The following ATN1 variants were observed in gnomAD, a reference collection of about 807,000 sequenced individuals.
ATN1 encodes atrophin 1, also known as atrophin-1.
In ATN1, 19 loss-of-function variants were observed where a neutral mutation model predicts 85.8. The observed-to-expected ratio is 0.22, with a 90% confidence interval of 0.15 to 0.32. ATN1 has a LOEUF of 0.32. Ranked by LOEUF, ATN1 falls within the 10% of genes least tolerant of loss-of-function variation. The pLI is 1.00. For synonymous variants in ATN1, 674 were observed against 657.0 expected, an observed-to-expected ratio of 1.03 and a Z score of -0.39; for missense variants, 1,453 against 1,564.5, an observed-to-expected ratio of 0.93 and a Z score of 1.20.
At position 6,942,041 on chromosome 12, in the gene ATN1, C is replaced by T. The variant is rs1396862098; in HGVS notation, c.*261C>T. The T allele has an allele frequency of 3.7e-6, 2 of 541,930 alleles. No homozygotes were observed. Among genetic ancestry groups the T allele is most frequent in the Non-Finnish European group, 6.6e-6 (2 of 301,286 alleles). The allele number at this position is 541,930 out of a possible 1,614,324, so 33.6% of individuals were successfully genotyped here. ...GGACCAGGTCTCTCTTCCTTGTCCC[C>T]CCTGCTTTTCTCCTCCCCCATGCCC... On this transcript the variant is annotated 3_prime_UTR_variant, in exon 10 of 10. Transcript: ENST00000396684.
upstream of ATN1, among the ~76,000 whole-genome samples, chr12:6,926,232 G>A (rs1322198820): frequency 6.6e-6 from 1 of 152,124 alleles, no homozygotes; most frequent in Non-Finnish European, 1.5e-5. Context: ...GATACCCAGG[G>A]ATTTGGGTCC....
Position 6,941,237 on chromosome 12 carries a change from G to A in ATN1, c.3359-137G>A. 1 of 1,247,866 alleles carries A rather than the reference G, an allele frequency of 8.0e-7. No individual in the cohort carries two copies. Among genetic ancestry groups the A allele is most frequent in the Non-Finnish European group, 1.1e-6 (1 of 904,834 alleles). The allele number at this position is 1,247,866 out of a possible 1,614,324, so 77.3% of individuals were successfully genotyped here. ...CGAATCCCAATTCCACCCTACCACT[G>A]GCAACTTACAGAACTGGGTGTGTTA... On this transcript the variant is annotated intron_variant, in intron 8 of 9. Transcript: ENST00000396684. This position sits in a 1 kb window ranked among gnomAD's most constrained non-coding sequence, Gnocchi z 5.9.
At chr12:6,925,141 T>TGTGTGTGTGTGTGA (rs1445451270), upstream of ATN1, among the ~76,000 whole-genome samples, 63 of 147,652 alleles carry the variant, frequency 4.3e-4, no homozygotes, top group African/African-American at 1.2e-3. Flanking sequence ...TGTGTGTGTG[T>TGTGTGTGTGTGTGA]GAGAGAGAGA....
chr12:6,925,222 CAA>C (rs1945388662), upstream of ATN1, among the ~76,000 whole-genome samples: 1 of 151,716 alleles, frequency 6.6e-6, no homozygotes, highest in Admixed American at 6.6e-5. Context: ...AGAGGGTAGA[CAA>C]TGGTTTCTTT....
Position 6,937,989 on chromosome 12 carries a change from A to C in ATN1, c.2439A>C (p.Glu813Asp). ...GCGAGGCCGAGCAGCGCGCGCGCGAAGAAAAGGAGCGCGAGCGCGAGCGGG... is the reference window on the plus strand; with the variant it reads ...GCGAGGCCGAGCAGCGCGCGCGCGACGAAAAGGAGCGCGAGCGCGAGCGGG... ...VRREAEQRAR[E>D]EKERERERER... The change falls in exon 6 of 10, where the codon GAA (glutamate) becomes GAC (aspartate). Residue 813 changes from glutamate to aspartate, a missense_variant. By Grantham distance (45) the Glu-to-Asp change is conservative. This residue lies in a region of ATN1 where 990 missense variants were observed against 914.8 expected (regional missense o/e 1.08). Transcript: ENST00000396684. This position sits in a 1 kb window ranked among gnomAD's most constrained non-coding sequence, Gnocchi z 6.0. The C allele has an allele frequency of 6.5e-7, 1 of 1,549,682 alleles. No homozygotes were observed. The highest frequency in any genetic ancestry group is 8.7e-7 in the Non-Finnish European group (1 of 1,146,720).
In ATN1 at chr12:6,937,972, G is replaced by A. The variant is rs781991922; in HGVS notation, c.2422G>A (p.Glu808Lys). Reference protein sequence around the residue: ...DLVEKVRREAEQRAREEKERE... With the variant: ...DLVEKVRREAKQRAREEKERE... ...GGTGGAGAAGGTGCGGCGCGAGGCC[G>A]AGCAGCGCGCGCGCGAAGAAAAGGA... Residue 808 changes from glutamate (E) to lysine (K), a missense_variant, in exon 6 of 10, where the codon GAG (glutamate) becomes AAG (lysine). By Grantham distance (56) the Glu-to-Lys change is moderately conservative. This residue lies in a region of ATN1 where 990 missense variants were observed against 914.8 expected (regional missense o/e 1.08). Transcript: ENST00000396684. This position sits in a 1 kb window ranked among gnomAD's most constrained non-coding sequence, Gnocchi z 6.0. The A allele has an allele frequency of 1.3e-6, 2 of 1,557,050 alleles. No individual in the cohort carries two copies. The highest frequency in any genetic ancestry group is 2.4e-5 in the East Asian group (1 of 41,090).
rs782222553 is a variant in ATN1, at chr12:6,935,980, G to A, written c.713G>A (p.Gly238Glu). The A allele has an allele frequency of 5.0e-6, 8 of 1,589,212 alleles. No homozygotes were observed. The highest frequency in any genetic ancestry group is 2.3e-5 in the South Asian group (2 of 87,492). Residue 238 changes from glycine (G) to glutamate (E), a missense_variant, in exon 5 of 10, where the codon GGA becomes GAA. This residue lies in a region of ATN1 where 990 missense variants were observed against 914.8 expected (regional missense o/e 1.08). Coordinates refer to ENST00000396684, the MANE Select transcript of ATN1 (RefSeq NM_001940.4). This position sits in a 1 kb window ranked among gnomAD's most constrained non-coding sequence, Gnocchi z 5.3. ...GGACCCCCAATGGGTCCCAAGGGGG[G>A]AGGGGCTGCCTCATCAGTGGGGGGC... ...LSGPPMGPKG[G>E]GAASSVGGPN...
rs1300642331 is a variant in ATN1 at position 6,937,724 on chromosome 12, C to T, written c.2295-121C>T. On this transcript the variant is annotated intron_variant, in intron 5 of 9. Coordinates refer to ENST00000396684, the MANE Select transcript of ATN1 (RefSeq NM_001940.4). The surrounding 1 kb of genome is among the most constrained non-coding windows in gnomAD (Gnocchi z 6.0). ...TAGTGGCCAGTGAGGCCCGCAGCAGCTCACAGCCTGCAGGGGTGGTTTTGA... is the reference window on the plus strand; with the variant it reads ...TAGTGGCCAGTGAGGCCCGCAGCAGTTCACAGCCTGCAGGGGTGGTTTTGA... 12 of 1,449,104 alleles carry T rather than the reference C, an allele frequency of 8.3e-6. No individual in the cohort carries two copies. In the African/African-American group the frequency reaches 8.6e-5, roughly 10 times the overall value. The allele number at this position is 1,449,104 out of a possible 1,614,324, so 89.8% of individuals were successfully genotyped here. A position where few individuals can be genotyped will look rare whatever the true frequency, so the allele number is the denominator to read the frequency against.
Position 6,935,752 on chromosome 12 carries a change from C to G in ATN1, c.485C>G (p.Pro162Arg), listed in dbSNP as rs781827807. 22 of 1,613,910 alleles carry G rather than the reference C, an allele frequency of 1.4e-5. No homozygotes were observed. The East Asian group carries it at 4.7e-4, about 34-fold the overall frequency. Residue 162 changes from proline (P) to arginine (R), a missense_variant, in exon 5 of 10, where the codon CCT (proline) becomes CGT (arginine). By Grantham distance (103) the Pro-to-Arg change is moderately radical (BLOSUM62 -2). Around this residue, in one of 6 missense-constraint regions of ATN1, gnomAD observed 990 missense variants for 914.8 expected, o/e 1.08. Coordinates refer to ENST00000396684, the MANE Select transcript of ATN1 (RefSeq NM_001940.4). This position sits in a 1 kb window ranked among gnomAD's most constrained non-coding sequence, Gnocchi z 5.3. Reference sequence around the variant, plus strand: ...GGCCCAGCCCGCCCCTACCACCCACCTCCACTCTTTCCTCCTTCCCCTCAA... The same window carrying G: ...GGCCCAGCCCGCCCCTACCACCCACGTCCACTCTTTCCTCCTTCCCCTCAA... ...SQGPARPYHPPPLFPPSPQPP... is the reference protein window; with the variant it reads ...SQGPARPYHPRPLFPPSPQPP...
rs1555144033 is a variant in ATN1 at position 6,937,580 on chromosome 12, C to T, written c.2294+19C>T. The T allele has an allele frequency of 4.7e-6, 7 of 1,476,850 alleles. No homozygotes were observed. The highest frequency in any genetic ancestry group is 5.4e-6 in the Non-Finnish European group (6 of 1,114,962). The allele number at this position is 1,476,850 out of a possible 1,614,324, so 91.5% of individuals were successfully genotyped here. A position where few individuals can be genotyped will look rare whatever the true frequency, so the allele number is the denominator to read the frequency against. Reference sequence around the variant, plus strand: ...CTGCCAGGTGAGCGGCCAGGTGGGGCGGAGGTGGGCCTGGAAAGGGGACGA... The same window carrying T: ...CTGCCAGGTGAGCGGCCAGGTGGGGTGGAGGTGGGCCTGGAAAGGGGACGA... On this transcript the variant is annotated intron_variant, in intron 5 of 9. Transcript: ENST00000396684. The surrounding 1 kb of genome is among the most constrained non-coding windows in gnomAD (Gnocchi z 6.0).
In ATN1 at chr12:6,933,858, C is replaced by A; in HGVS notation, c.-144C>A. 2.2e-6 allele frequency: 2 copies of A among 895,878 alleles called. No individual in the cohort carries two copies. Among genetic ancestry groups the A allele is most frequent in the Non-Finnish European group, 1.7e-6 (1 of 574,700 alleles). The allele number at this position is 895,878 out of a possible 1,614,324, so 55.5% of individuals were successfully genotyped here. A position where few individuals can be genotyped will look rare whatever the true frequency, so the allele number is the denominator to read the frequency against. On this transcript the variant is annotated 5_prime_UTR_variant, in exon 2 of 10. Transcript: ENST00000396684. ...CTAACAGGTTTCATTGAAAACAGAT[C>A]CTGCAAAAGTTCCAGGTGCCCACAC...
chr12:6,938,052 G>T lies in ATN1; in HGVS notation c.2502G>T (p.Glu834Asp), dbSNP rs1555144148. Residue 834 changes from glutamate to aspartate, a missense_variant, in exon 6 of 10, where the codon GAG becomes GAT. Physicochemically the swap from Glu to Asp is conservative, Grantham distance 45. This residue lies in a region of ATN1 where 990 missense variants were observed against 914.8 expected (regional missense o/e 1.08). Transcript: ENST00000396684. Reference protein sequence around the residue: ...EKEREREKERELERSVKLAQE... With the variant: ...EKEREREKERDLERSVKLAQE... ...AGCGCGAGCGCGAGAAGGAGCGCGA[G>T]CTTGAACGCAGCGTGGTGAGTGCGT... The T allele has an allele frequency of 6.5e-7, 1 of 1,545,778 alleles. No individual in the cohort carries two copies. Among genetic ancestry groups the T allele is most frequent in the South Asian group, 1.2e-5 (1 of 83,886 alleles).
In ATN1 at chr12:6,937,166, A is replaced by C. The variant is rs782081303; in HGVS notation, c.1899A>C (p.Pro633=). ...SSPAGYKTAS[P]PGPPPYGKRA... is the part of the protein sequence containing the mutation. ...CAGCAGGCTACAAAACGGCCTCCCC[A>C]CCTGGGCCCCCACCGTACGGAAAGA... Residue 633 remains proline, a synonymous_variant, in exon 5 of 10, where the codon CCA becomes CCC. Coordinates refer to ENST00000396684, the MANE Select transcript of ATN1 (RefSeq NM_001940.4). The surrounding 1 kb of genome is among the most constrained non-coding windows in gnomAD (Gnocchi z 6.0). 1.4e-5 allele frequency: 22 copies of C among 1,610,278 alleles called. No homozygotes were observed. The East Asian group carries it at 4.9e-4, about 36-fold the overall frequency.
chr12:6,941,954 C>T lies in ATN1; in HGVS notation c.*174C>T. 3.0e-6 allele frequency: 2 copies of T among 668,276 alleles called. No homozygotes were observed. Among genetic ancestry groups the T allele is most frequent in the Middle Eastern group, 3.2e-4 (1 of 3,128 alleles). The allele number at this position is 668,276 out of a possible 1,614,324, so 41.4% of individuals were successfully genotyped here. ...GGAGGGACAGACAGAAGGCCAAGGCCCGATGTGGTGTGCAGAGGTGGGGAG... is the reference window on the plus strand; with the variant it reads ...GGAGGGACAGACAGAAGGCCAAGGCTCGATGTGGTGTGCAGAGGTGGGGAG... On this transcript the variant is annotated 3_prime_UTR_variant, in exon 10 of 10. Coordinates refer to ENST00000396684, the MANE Select transcript of ATN1 (RefSeq NM_001940.4). This position sits in a 1 kb window ranked among gnomAD's most constrained non-coding sequence, Gnocchi z 5.9.
At chr12:6,938,140 A>T in intron 6 of ATN1, 73 bp downstream of exon 6, 1 of 1,466,546 alleles carries the variant, frequency 6.8e-7, no homozygotes, top group Non-Finnish European at 9.0e-7. Context: ...GCGCTGCGCT[A>T]CGCTACGCTG....
In ATN1 at chr12:6,933,949, T is replaced by C. The variant is rs1223178532; in HGVS notation, c.-53T>C. ...GGAACTTGGGGTGGAGCAGAGAAGT[T>C]TCTGTATTCAGCTGCCCAGGCAGAG... On this transcript the variant is annotated 5_prime_UTR_variant, in exon 2 of 10. Transcript: ENST00000396684. 3.8e-6 allele frequency: 6 copies of C among 1,575,356 alleles called. No homozygotes were observed. In the Admixed American group the frequency reaches 5.7e-5, roughly 15 times the overall value.
At chr12:6,940,779 G>A (rs1945623246) in intron 7 of ATN1, 101 bp from the exon 8 acceptor site, 5 of 1,465,384 alleles carry the variant, frequency 3.4e-6, no homozygotes, top group East Asian at 2.3e-5. Context: ...ACCTCCTTGT[G>A]TTTGTCTGAC....
rs782618744 is a variant in ATN1 at position 6,931,689 on chromosome 12, T to C, written c.-162-2151T>C. 5.7e-5 allele frequency among the ~76,000 whole-genome samples: 7 copies of C among 123,866 alleles called. No homozygotes were observed. The South Asian group carries it at 1.7e-3, about 30-fold the overall frequency. The allele number at this position is 123,866 out of a possible 152,430, so 81.3% of individuals were successfully genotyped here. Reference sequence around the variant, plus strand: ...AGATCATGCCATAGCACCTCCAGCCTGGGGAACAAGAGCAAAGATCCATCT... The same window carrying C: ...AGATCATGCCATAGCACCTCCAGCCCGGGGAACAAGAGCAAAGATCCATCT... On this transcript the variant is annotated intron_variant, in intron 1 of 9. Transcript: ENST00000396684.
chr12:6,928,657 G>T (rs1463990990), intron 1 of ATN1, among the ~76,000 whole-genome samples: 4 of 152,224 alleles, frequency 2.6e-5, no homozygotes, highest in African/African-American at 4.8e-5. Context: ...GAGGAGGCCT[G>T]TGGGGCCAGA....
Sources: allele counts gnomAD v4.1 joint callset (sites outside exome capture counted in the v4.1 genomes callset), GRCh38; gene constraint gnomAD v4.1.1; regional missense constraint gnomAD v4.1.1; non-coding constraint Gnocchi (gnomAD v3.1); transcripts MANE v1.5; gene names NCBI Gene and HGNC (gene_info 2026-07-23, HGNC 2026-07-21).